Variants in CNOT11 observed in about 807,000 individuals in gnomAD.
The protein encoded by CNOT11 is UPF0760 protein C2orf29.
Under a neutral mutation model 44.6 loss-of-function variants are expected in CNOT11, and 18 were observed. The observed-to-expected ratio is 0.40, with a 90% CI of 0.28 to 0.60. The LOEUF is 0.60. Ranked by LOEUF, CNOT11 falls within the 20% of genes least tolerant of loss-of-function variation. The pLI, the probability that CNOT11 is intolerant of heterozygous loss-of-function variation, is 0.38. For missense variants in CNOT11, 513 were observed against 677.0 expected (o/e 0.76, Z 2.69); for synonymous variants, 291 against 270.9 (o/e 1.07, Z -0.73).
chr2:101,252,897 C>A lies in CNOT11; in HGVS notation c.-68C>A. On this transcript the variant is annotated 5_prime_UTR_variant, in exon 1 of 7. Coordinates refer to ENST00000289382, the MANE Select transcript of CNOT11 (RefSeq NM_017546.5). ...TGTCGTGTAACAGCGCGCTTTACGG[C>A]CGCGGGGACGGAGCGAGCCGGCGCC... The A allele has an allele frequency of 7.4e-7, 1 of 1,350,994 alleles. No homozygotes were observed. The highest frequency in any genetic ancestry group is 1.7e-5 in the South Asian group (1 of 58,912). The allele number at this position is 1,350,994 out of a possible 1,614,324, so 83.7% of individuals were successfully genotyped here.
Position 101,253,178 on chromosome 2 carries a change from C to T in CNOT11, c.214C>T (p.Leu72=), listed in dbSNP as rs765059756. 9.4e-6 allele frequency: 15 copies of T among 1,601,432 alleles called. No individual in the cohort carries two copies. Among genetic ancestry groups the T allele is most frequent in the Non-Finnish European group, 1.2e-5 (14 of 1,175,468 alleles). Residue 72 remains leucine, a synonymous_variant, in exon 1 of 7, where the codon CTG becomes TTG. Coordinates refer to ENST00000289382, the MANE Select transcript of CNOT11 (RefSeq NM_017546.5). The surrounding 1 kb of genome is among the most constrained non-coding windows in gnomAD (Gnocchi z 4.3). ...GACCCCGAAGGAGCTCTCGAGCCTGCTGAGCATCATATCGGAGGAGGCGGG... is the reference window on the plus strand; with the variant it reads ...GACCCCGAAGGAGCTCTCGAGCCTGTTGAGCATCATATCGGAGGAGGCGGG... ...SLTPKELSSL[L]SIISEEAGGG... is the part of the protein sequence containing the mutation.
chr2:101,262,470 C>T, intron 2 of CNOT11, 69 bp from the exon 3 acceptor site: 1 of 1,433,522 alleles, frequency 7.0e-7, no homozygotes, highest in Non-Finnish European at 9.8e-7. Flanking sequence ...GATAGCTTGC[C>T]TCAGTTGGTA....
At chr2:101,260,932 T>TTC (rs1401815729) in intron 2 of CNOT11, among the ~76,000 whole-genome samples, 7 of 152,186 alleles carry the variant, frequency 4.6e-5, no homozygotes, top group African/African-American at 1.7e-4. Context: ...TAGTGAGCAT[T>TTC]TCTCCTAGTA....
intron 4 of CNOT11, among the ~76,000 whole-genome samples, chr2:101,266,070 G>C (rs778684252): frequency 7.9e-5 from 12 of 152,186 alleles, no homozygotes; most frequent in Non-Finnish European, 1.6e-4. Context: ...AAAAAGCATA[G>C]GACATTTAAA....
chr2:101,267,327 T>C (rs1682009479), intron 5 of CNOT11, among the ~76,000 whole-genome samples: 1 of 152,164 alleles, frequency 6.6e-6, no homozygotes, highest in South Asian at 2.1e-4. Flanking sequence ...TTCGCCATGT[T>C]GGTCAGGCGG....
chr2:101,262,489 T>G, intron 2 of CNOT11, 50 bp from the exon 3 acceptor site: 8 of 1,556,846 alleles, frequency 5.1e-6, no homozygotes, highest in South Asian at 3.4e-5. Context: ...TAGCTTGTCT[T>G]TTCTCTCTCC....
intron 2 of CNOT11, among the ~76,000 whole-genome samples, chr2:101,261,348 C>G (rs977780210): frequency 8.5e-5 from 13 of 152,168 alleles, no homozygotes; most frequent in African/African-American, 2.9e-4. Context: ...TGCCTTCCTT[C>G]TGTTGGGGGT....
Position 101,269,532 on chromosome 2 carries a change from C to G in CNOT11, c.*119C>G. The G allele has an allele frequency of 1.3e-6, 1 of 774,912 alleles. No homozygotes were observed. The highest frequency in any genetic ancestry group is 2.7e-5 in the East Asian group (1 of 36,816). The allele number at this position is 774,912 out of a possible 1,614,324, so 48.0% of individuals were successfully genotyped here. ...ATGCATATAAACAGTACTTTATCTA[C>G]TTAAAGCAAAGTTTTGCTTTCTTGA... On this transcript the variant is annotated 3_prime_UTR_variant, in exon 7 of 7. Coordinates refer to ENST00000289382, the MANE Select transcript of CNOT11 (RefSeq NM_017546.5). The surrounding 1 kb of genome is among the most constrained non-coding windows in gnomAD (Gnocchi z 4.8).
Position 101,253,548 on chromosome 2 carries a change from G to A in CNOT11, c.514+70G>A. ...CGCAGCTTTCCACCTGCGCTGCTGG[G>A]AACTCACCTGAAAGGGAAATTAACT... On this transcript the variant is annotated intron_variant, in intron 1 of 6. Transcript: ENST00000289382. The surrounding 1 kb of genome is among the most constrained non-coding windows in gnomAD (Gnocchi z 4.3). 1.6e-6 allele frequency: 2 copies of A among 1,279,468 alleles called. No individual in the cohort carries two copies. The highest frequency in any genetic ancestry group is 3.3e-5 in the South Asian group (2 of 60,008). 79.3% of individuals were successfully genotyped at this position (1,279,468 alleles called of 1,614,324 possible).
rs1304743980 is a variant in CNOT11 at position 101,264,936 on chromosome 2, C to T, written c.924C>T (p.His308=). The T allele has an allele frequency of 5.6e-6, 9 of 1,613,980 alleles. No individual in the cohort carries two copies. Among genetic ancestry groups the T allele is most frequent in the South Asian group, 2.2e-5 (2 of 91,092 alleles). The change falls in exon 4 of 7, where the codon CAC becomes CAT. Residue 308 remains histidine (H), a synonymous_variant. Coordinates refer to ENST00000289382, the MANE Select transcript of CNOT11 (RefSeq NM_017546.5). The part of the protein sequence containing the change: ...LAWLNPTEPD[H]AIQWDKSMCV... ...GGCTAAACCCCACGGAGCCTGACCA[C>T]GCGATCCAGTGGGATAAATCGATGT...
intron 1 of CNOT11, among the ~76,000 whole-genome samples, chr2:101,254,301 T>C (rs1442100531): frequency 6.6e-6 from 1 of 152,166 alleles, no homozygotes; most frequent in Non-Finnish European, 1.5e-5. Context: ...TTACATTCCT[T>C]AACCAGTATA....
At chr2:101,264,470 G>A (rs1261691758) in intron 3 of CNOT11, among the ~76,000 whole-genome samples, 2 of 152,188 alleles carry the variant, frequency 1.3e-5, no homozygotes, top group Non-Finnish European at 2.9e-5. Flanking sequence ...ACTAAGAATA[G>A]GATGTGTGAG....
At chr2:101,256,477 G>C (rs1210564063) in intron 1 of CNOT11, among the ~76,000 whole-genome samples, 1 of 152,156 alleles carries the variant, frequency 6.6e-6, no homozygotes, top group Admixed American at 6.5e-5. Flanking sequence ...AGGGAATGCA[G>C]CCTGGTGACA....
chr2:101,269,369 T>C lies in CNOT11; in HGVS notation c.1489T>C (p.Leu497=), dbSNP rs1682059097. 6.2e-7 allele frequency: 1 copy of C among 1,614,134 alleles called. No homozygotes were observed. Among genetic ancestry groups the C allele is most frequent in the Non-Finnish European group, 8.5e-7 (1 of 1,180,006 alleles). The change falls in exon 7 of 7, where the codon TTG becomes CTG. Residue 497 remains leucine, a synonymous_variant. Coordinates refer to ENST00000289382, the MANE Select transcript of CNOT11 (RefSeq NM_017546.5). The surrounding 1 kb of genome is among the most constrained non-coding windows in gnomAD (Gnocchi z 4.8). ...AAGLFRLLKT[L]DTGETPSETK... ...TGGTCTTTTCCGGTTGTTGAAGACA[T>C]TGGATACTGGGGAAACACCTTCTGA... is the stretch of plus-strand genomic sequence containing the variant.
chr2:101,267,897 CCAAGCA>C (rs1457921381), intron 5 of CNOT11, among the ~76,000 whole-genome samples: 2 of 152,058 alleles, frequency 1.3e-5, no homozygotes, highest in Non-Finnish European at 2.9e-5. Flanking sequence ...ATTCTGAGTG[CCAAGCA>C]ACTAAACTTC....
At chr2:101,260,011 T>C (rs897527092) in intron 2 of CNOT11, among the ~76,000 whole-genome samples, 3 of 152,198 alleles carry the variant, frequency 2.0e-5, no homozygotes, top group Non-Finnish European at 4.4e-5. Flanking sequence ...ATTGTACTAC[T>C]GCACTCCAGC....
At position 101,261,235 on chromosome 2, in the gene CNOT11, GA is replaced by G. The variant is rs1261262095; in HGVS notation, c.680-1303del. Among the ~76,000 whole-genome samples, 3 of 152,238 alleles carry G rather than the reference GA, an allele frequency of 2.0e-5. No homozygotes were observed. The East Asian group carries it at 5.8e-4, about 29-fold the overall frequency. On this transcript the variant is annotated intron_variant, in intron 2 of 6. Coordinates refer to ENST00000289382, the MANE Select transcript of CNOT11 (RefSeq NM_017546.5). ...GCCTCATCACTAACCTGATTTTTGTGATAATCATCCTCAATTTGCTTCCCTC... is the reference window on the plus strand; with the variant it reads ...GCCTCATCACTAACCTGATTTTTGTGTAATCATCCTCAATTTGCTTCCCTC...
rs1573195391 is a variant in CNOT11 at position 101,253,576 on chromosome 2, C to G, written c.514+98C>G. 1.1e-5 allele frequency: 12 copies of G among 1,091,454 alleles called. No homozygotes were observed. The East Asian group carries it at 3.4e-4, about 31-fold the overall frequency. The allele number at this position is 1,091,454 out of a possible 1,614,324, so 67.6% of individuals were successfully genotyped here. A position where few individuals can be genotyped will look rare whatever the true frequency, so the allele number is the denominator to read the frequency against. On this transcript the variant is annotated intron_variant, in intron 1 of 6. Coordinates refer to ENST00000289382, the MANE Select transcript of CNOT11 (RefSeq NM_017546.5). The surrounding 1 kb of genome is among the most constrained non-coding windows in gnomAD (Gnocchi z 4.3). ...CTCACCTGAAAGGGAAATTAACTATCCCTGTGAAATGATCATCCTCTTTTT... is the reference window on the plus strand; with the variant it reads ...CTCACCTGAAAGGGAAATTAACTATGCCTGTGAAATGATCATCCTCTTTTT...
At chr2:101,264,530 G>A (rs993288701) in intron 3 of CNOT11, among the ~76,000 whole-genome samples, 1 of 152,180 alleles carries the variant, frequency 6.6e-6, no homozygotes, top group Non-Finnish European at 1.5e-5. Context: ...TTTAGGAGTC[G>A]TGCCCTTTTG....
Sources: gnomAD v4.1 joint callset for allele counts (sites outside exome capture counted in the v4.1 genomes callset) on GRCh38, gnomAD v4.1.1 for gene constraint, Gnocchi (gnomAD v3.1) non-coding constraint, MANE v1.5 for transcripts, NCBI Gene and HGNC (gene_info 2026-07-23, HGNC 2026-07-21) for gene names.